Variants in KIF26B observed in about 807,000 individuals in gnomAD.
The protein encoded by KIF26B is kinesin-like protein KIF26B.
KIF26B carries 63 observed loss-of-function variants against 151.2 expected under a neutral mutation model. That is an observed-to-expected ratio of 0.42 (90% CI 0.34 to 0.51). KIF26B has a LOEUF of 0.51. Ranked by LOEUF, KIF26B falls within the 20% of genes least tolerant of loss-of-function variation. The pLI is 0.07. For synonymous variants in KIF26B, 1,357 were observed against 1,262.1 expected (o/e 1.08, Z -1.59); for missense variants, 2,813 against 2,913.6 (o/e 0.97, Z 0.79).
intron 2 of KIF26B, among the ~76,000 whole-genome samples, chr1:245,279,232 TCTG>T (rs1255284057): frequency 2.0e-5 from 3 of 152,016 alleles, no homozygotes; most frequent in African/African-American, 4.8e-5. Flanking sequence ...TATCACTCCT[TCTG>T]TATTGTTTTA....
At chr1:245,432,510 A>T (rs558480047) in intron 4 of KIF26B, among the ~76,000 whole-genome samples, 2 of 152,294 alleles carry the variant, frequency 1.3e-5, no homozygotes, top group Admixed American at 6.5e-5. Flanking sequence ...ACTAGCACAA[A>T]CAAAGTAGGG....
At chr1:245,697,318 G>A (rs1264833484) in intron 12 of KIF26B, among the ~76,000 whole-genome samples, 1 of 152,126 alleles carries the variant, frequency 6.6e-6, no homozygotes, top group Non-Finnish European at 1.5e-5. Flanking sequence ...TAATACCCAG[G>A]GTCTCTTCTG....
chr1:245,687,794 C>T lies in KIF26B; in HGVS notation c.4811C>T (p.Ser1604Phe). 1 of 1,589,554 alleles carries T rather than the reference C, an allele frequency of 6.3e-7. No homozygotes were observed. Among genetic ancestry groups the T allele is most frequent in the South Asian group, 1.2e-5 (1 of 86,922 alleles). ...GTPPLPPVRK[S>F]SLDQKNRASP... is the part of the protein sequence containing the mutation. The stretch of plus-strand genomic sequence containing the variant: ...CCCCCTCTGCCCCCTGTCCGAAAGT[C>T]CAGCCTGGACCAGAAGAACCGGGCC... The change falls in exon 12 of 15, where the codon TCC (serine) becomes TTC (phenylalanine). Residue 1604 changes from serine to phenylalanine, a missense_variant. Physicochemically the swap from Ser to Phe is radical, Grantham distance 155. Transcript: ENST00000407071. This position sits in a 1 kb window ranked among gnomAD's most constrained non-coding sequence, Gnocchi z 4.9.
chr1:245,616,807 G>C (rs1032761749), intron 9 of KIF26B, among the ~76,000 whole-genome samples: 4 of 152,156 alleles, frequency 2.6e-5, no homozygotes, highest in African/African-American at 9.7e-5. Context: ...TCAGGGTAAT[G>C]CGCTAATGAT....
intron 2 of KIF26B, among the ~76,000 whole-genome samples, chr1:245,264,632 C>T (rs992606686): frequency 1.3e-4 from 20 of 152,244 alleles, no homozygotes; most frequent in African/African-American, 4.6e-4. Context: ...CCGTGGCTCA[C>T]GCCTGTAATC....
At chr1:245,534,899 C>G (rs1661455693) in intron 4 of KIF26B, among the ~76,000 whole-genome samples, 1 of 152,024 alleles carries the variant, frequency 6.6e-6, no homozygotes. Context: ...TCTCCCACCT[C>G]AGCCACCCGA....
intron 10 of KIF26B, among the ~76,000 whole-genome samples, chr1:245,656,076 T>C (rs1182839509): frequency 6.6e-6 from 1 of 151,354 alleles, no homozygotes; most frequent in East Asian, 1.9e-4. Flanking sequence ...GTTTTCCATT[T>C]ATTCATTTAC....
intron 2 of KIF26B, among the ~76,000 whole-genome samples, chr1:245,261,732 C>T (rs145770955): frequency 0.013 from 1,936 of 151,988 alleles, 34 homozygotes; most frequent in African/African-American, 0.034. Context: ...TACAGGCATG[C>T]GCCACCATGC....
chr1:245,422,433 T>G (rs1438822863), intron 4 of KIF26B, among the ~76,000 whole-genome samples: 1 of 152,050 alleles, frequency 6.6e-6, no homozygotes, highest in African/African-American at 2.4e-5. Flanking sequence ...AAAGCAGAAG[T>G]GTGACTGACT....
chr1:245,459,632 C>G (rs532478318), intron 4 of KIF26B, among the ~76,000 whole-genome samples: 79 of 152,228 alleles, frequency 5.2e-4, no homozygotes, highest in African/African-American at 1.8e-3. Flanking sequence ...GTGGTATGAC[C>G]GAGGTGTGAA....
chr1:245,305,889 A>G (rs1671527858), intron 2 of KIF26B, among the ~76,000 whole-genome samples: 1 of 146,680 alleles, frequency 6.8e-6, no homozygotes, highest in Non-Finnish European at 1.5e-5. Flanking sequence ...GTGAGCCGAG[A>G]TCGCACCACT....
At chr1:245,347,020 C>G (rs1207049301) in intron 2 of KIF26B, among the ~76,000 whole-genome samples, 1 of 152,172 alleles carries the variant, frequency 6.6e-6, no homozygotes, top group African/African-American at 2.4e-5. Context: ...AAAACTACAG[C>G]CTTGGTAAAA....
intron 3 of KIF26B, among the ~76,000 whole-genome samples, chr1:245,397,240 A>C (rs1673870169): frequency 6.9e-6 from 1 of 145,598 alleles, no homozygotes; most frequent in Non-Finnish European, 1.5e-5. Context: ...TTTGAGACAG[A>C]GTTTCACTCT....
At chr1:245,639,815 A>C (rs942698399) in intron 9 of KIF26B, among the ~76,000 whole-genome samples, 2 of 151,866 alleles carry the variant, frequency 1.3e-5, no homozygotes, top group Non-Finnish European at 2.9e-5. Flanking sequence ...TGTTGTGGTT[A>C]GAAAAGATAC....
rs143592498 is a variant in KIF26B, at chr1:245,441,373, T to C, written c.1166+21628T>C. The stretch of plus-strand genomic sequence containing the variant: ...ACACAAAAACAACGGAAGGGTACAC[T>C]TTAGAAAAACTATTGACTTTTTCCC... On this transcript the variant is annotated intron_variant, in intron 4 of 14. Coordinates refer to ENST00000407071, the MANE Select transcript of KIF26B (RefSeq NM_018012.4). Among the ~76,000 whole-genome samples, 360 of 152,114 alleles carry C rather than the reference T, an allele frequency of 2.4e-3. 2 individuals are homozygous for C. Among genetic ancestry groups the C allele is most frequent in the Non-Finnish European group, 4.0e-3 (274 of 68,014 alleles).
chr1:245,176,508 T>A (rs936605813), intron 2 of KIF26B, among the ~76,000 whole-genome samples: 6 of 152,178 alleles, frequency 3.9e-5, no homozygotes, highest in African/African-American at 1.4e-4. Context: ...GGTGCATACT[T>A]GCTGGTAAGC....
intron 5 of KIF26B, among the ~76,000 whole-genome samples, chr1:245,590,382 C>G (rs1180236272): frequency 6.6e-6 from 1 of 152,212 alleles, no homozygotes; most frequent in Non-Finnish European, 1.5e-5. Flanking sequence ...AAACTGAACA[C>G]ATCTAAAAAA....
rs1040581301 is a variant in KIF26B, at chr1:245,607,565, C to T, written c.1558-86C>T. ...CACAGTGACACTGGGACCCGAAGCCCCAGGAAGGTGGGCTCACTTTCGTTG... is the reference window on the plus strand; with the variant it reads ...CACAGTGACACTGGGACCCGAAGCCTCAGGAAGGTGGGCTCACTTTCGTTG... On this transcript the variant is annotated intron_variant, in intron 6 of 14. Transcript: ENST00000407071. 9 of 1,099,066 alleles carry T rather than the reference C, an allele frequency of 8.2e-6. No individual in the cohort carries two copies. The African/African-American group carries it at 1.4e-4, about 17-fold the overall frequency. The allele number at this position is 1,099,066 out of a possible 1,614,324, so 68.1% of individuals were successfully genotyped here. A position where few individuals can be genotyped will look rare whatever the true frequency, so the allele number is the denominator to read the frequency against.
At chr1:245,211,709 T>C (rs1188371006) in intron 2 of KIF26B, among the ~76,000 whole-genome samples, 1 of 152,200 alleles carries the variant, frequency 6.6e-6, no homozygotes, top group African/African-American at 2.4e-5. Context: ...CATGATAACT[T>C]TTTATAAAGA....
Sources: allele counts gnomAD v4.1 joint callset (sites outside exome capture counted in the v4.1 genomes callset), GRCh38; gene constraint gnomAD v4.1.1; non-coding constraint Gnocchi (gnomAD v3.1); transcripts MANE v1.5; gene names NCBI Gene and HGNC (gene_info 2026-07-23, HGNC 2026-07-21).